Variants in WDR33 observed in about 807,000 individuals in gnomAD.
The protein encoded by WDR33 is WD repeat domain 33.
A neutral mutation model predicts 164.9 loss-of-function variants in WDR33; 47 were observed. That is an observed-to-expected ratio of 0.29 (90% CI 0.23 to 0.36). WDR33 has a LOEUF of 0.36. WDR33 is among the 10% of genes least tolerant of loss of function. WDR33 has a pLI of 1.00. For synonymous variants in WDR33, 505 were observed against 589.0 expected (o/e 0.86, Z 2.06); for missense variants, 1,137 against 1,754.1 (o/e 0.65, Z 6.28).
At position 127,702,997 on chromosome 2, in the gene WDR33, C is replaced by CTAGTT. The variant is rs927040744; in HGVS notation, c.*3321_*3325dup. Reference sequence around the variant, plus strand: ...CTCATTGTATAGCCTGCTTTGTAAACTAGTTTACAATTTGCAGGCTGATCT... The same window carrying CTAGTT: ...CTCATTGTATAGCCTGCTTTGTAAACTAGTTTAGTTTACAATTTGCAGGCTGATCT... On this transcript the variant is annotated 3_prime_UTR_variant, in exon 22 of 22. Transcript: ENST00000322313. The CTAGTT allele has an allele frequency of 1.2e-5, 2 of 167,172 alleles. No homozygotes were observed. Among genetic ancestry groups the CTAGTT allele is most frequent in the African/African-American group, 4.8e-5 (2 of 41,570 alleles). 10.4% of individuals were successfully genotyped at this position (167,172 alleles called of 1,614,324 possible). A position where few individuals can be genotyped will look rare whatever the true frequency, so the allele number is the denominator to read the frequency against.
At chr2:127,797,405 T>C (rs1689078591) in intron 1 of WDR33, among the ~76,000 whole-genome samples, 1 of 151,930 alleles carries the variant, frequency 6.6e-6, no homozygotes, top group Non-Finnish European at 1.5e-5. Context: ...GGCAGGAGAA[T>C]CACTTGAACC....
Position 127,723,064 on chromosome 2 carries a change from A to C in WDR33, c.1292-20T>G. 6.3e-7 allele frequency: 1 copy of C among 1,577,654 alleles called. No individual in the cohort carries two copies. The highest frequency in any genetic ancestry group is 8.6e-7 in the Non-Finnish European group (1 of 1,162,870). On this transcript the variant is annotated intron_variant, in intron 12 of 21. Coordinates refer to ENST00000322313, the MANE Select transcript of WDR33 (RefSeq NM_018383.5). This position sits in a 1 kb window ranked among gnomAD's most constrained non-coding sequence, Gnocchi z 5.9. ...GGTCATCTATAAATAGTAATACACC[A>C]TTGTCAATAGAGAATTTACAAAAGT...
Position 127,714,622 on chromosome 2 carries a change from A to G in WDR33, c.2870-601T>C, listed in dbSNP as rs1686255859. On this transcript the variant is annotated intron_variant, in intron 17 of 21. Coordinates refer to ENST00000322313, the MANE Select transcript of WDR33 (RefSeq NM_018383.5). This position sits in a 1 kb window ranked among gnomAD's most constrained non-coding sequence, Gnocchi z 4.3. ...GTGTCGGGGTTTTCTGCACCTCTCT[A>G]TGGATGTTGTTCCTCATCTACAATA... 6.6e-6 allele frequency among the ~76,000 whole-genome samples: 1 copy of G among 152,184 alleles called. No homozygotes were observed. Among genetic ancestry groups the G allele is most frequent in the Admixed American group, 6.5e-5 (1 of 15,280 alleles).
At chr2:127,801,704 G>A (rs1359267401) in intron 1 of WDR33, among the ~76,000 whole-genome samples, 2 of 152,072 alleles carry the variant, frequency 1.3e-5, no homozygotes, top group Admixed American at 1.3e-4. Flanking sequence ...CCAACATGGT[G>A]AAATCCCATC....
At position 127,717,167 on chromosome 2, in the gene WDR33, C is replaced by T; in HGVS notation, c.2857G>A (p.Gly953Ser). 1 of 1,604,964 alleles carries T rather than the reference C, an allele frequency of 6.2e-7. No individual in the cohort carries two copies. The highest frequency in any genetic ancestry group is 8.5e-7 in the Non-Finnish European group (1 of 1,175,146). ...AGCAGATATTTACCTTTGTTGGGGC[C>T]AGGTCCTTGTCCGGGGTTCAGAGGG... ...IPPLNPGQGP[G>S]PNKGDSRGPP... The change falls in exon 17 of 22, where the codon GGC becomes AGC. Residue 953 changes from glycine (G) to serine (S), a missense_variant. By Grantham distance (56) the Gly-to-Ser change is moderately conservative (BLOSUM62 0). Coordinates refer to ENST00000322313, the MANE Select transcript of WDR33 (RefSeq NM_018383.5). The surrounding 1 kb of genome is among the most constrained non-coding windows in gnomAD (Gnocchi z 5.6).
Position 127,709,572 on chromosome 2 carries a change from C to T in WDR33, c.3483G>A (p.Lys1161=), listed in dbSNP as rs1209734878. 6.2e-7 allele frequency: 1 copy of T among 1,613,646 alleles called. No homozygotes were observed. Among genetic ancestry groups the T allele is most frequent in the African/African-American group, 1.3e-5 (1 of 74,950 alleles). Residue 1161 remains lysine, a synonymous_variant, in exon 20 of 22, where the codon AAG becomes AAA. Coordinates refer to ENST00000322313, the MANE Select transcript of WDR33 (RefSeq NM_018383.5). The surrounding 1 kb of genome is among the most constrained non-coding windows in gnomAD (Gnocchi z 5.0). ...ACTCGTCAGGAGTGGGAAGTAAACC[C>T]TTCCTTCCTCCTACACAACAGAGCA... ...RGRGTPRGGR[K]GLLPTPDEFP...
At chr2:127,768,802 C>G (rs973142235) in intron 3 of WDR33, 131 bp downstream of exon 3, 3 of 567,140 alleles carry the variant, frequency 5.3e-6, no homozygotes, top group Non-Finnish European at 9.1e-6. Flanking sequence ...TTATATTATC[C>G]CTTTGGGAAT....
At position 127,703,853 on chromosome 2, in the gene WDR33, C is replaced by T. The variant is rs1004930475; in HGVS notation, c.*2470G>A. 1 of 166,632 alleles carries T rather than the reference C, an allele frequency of 6.0e-6. No homozygotes were observed. The highest frequency in any genetic ancestry group is 2.4e-5 in the African/African-American group (1 of 41,416). 10.3% of individuals were successfully genotyped at this position (166,632 alleles called of 1,614,324 possible). ...ATTCAACATTTCTCAGCTGGTGGCT[C>T]ACACCTGTAATCCCAGCATTTTGGG... On this transcript the variant is annotated 3_prime_UTR_variant, in exon 22 of 22. Coordinates refer to ENST00000322313, the MANE Select transcript of WDR33 (RefSeq NM_018383.5).
At chr2:127,781,987 A>G (rs1242470774) in intron 1 of WDR33, among the ~76,000 whole-genome samples, 1 of 146,162 alleles carries the variant, frequency 6.8e-6, no homozygotes, top group Non-Finnish European at 1.5e-5. Flanking sequence ...AAGAAGAGCG[A>G]AACTCTTTTT....
intron 1 of WDR33, among the ~76,000 whole-genome samples, chr2:127,787,609 G>A (rs1688637343): frequency 1.1e-5 from 1 of 91,446 alleles, no homozygotes; most frequent in African/African-American, 5.4e-5. Flanking sequence ...CAGTAGGGGC[G>A]GCCGGGCAGA....
rs780940644 is a variant in WDR33 at position 127,770,464 on chromosome 2, T to C, written c.204+314A>G. The stretch of plus-strand genomic sequence containing the variant: ...CAGCACTTTGGGAGACTGAGGCAGG[T>C]GGATCACCTGAGGTTAGGAGTTTGA... On this transcript the variant is annotated intron_variant, in intron 2 of 21. Coordinates refer to ENST00000322313, the MANE Select transcript of WDR33 (RefSeq NM_018383.5). The surrounding 1 kb of genome is among the most constrained non-coding windows in gnomAD (Gnocchi z 4.9). Among the ~76,000 whole-genome samples the C allele has an allele frequency of 6.6e-6, 1 of 151,984 alleles. No individual in the cohort carries two copies. Among genetic ancestry groups the C allele is most frequent in the South Asian group, 2.1e-4 (1 of 4,820 alleles).
In WDR33 at chr2:127,702,175, G is replaced by C; in HGVS notation, c.*4148C>G. On this transcript the variant is annotated 3_prime_UTR_variant, in exon 22 of 22. Coordinates refer to ENST00000322313, the MANE Select transcript of WDR33 (RefSeq NM_018383.5). The stretch of plus-strand genomic sequence containing the variant: ...GGCCTCGCCAAGGTGCTGCCCGTGT[G>C]AGGACCTCGCGCCCTCGCCGCTGGG... The C allele has an allele frequency of 8.2e-7, 1 of 1,213,910 alleles. No individual in the cohort carries two copies. Among genetic ancestry groups the C allele is most frequent in the Non-Finnish European group, 1.0e-6 (1 of 975,930 alleles). 75.2% of individuals were successfully genotyped at this position (1,213,910 alleles called of 1,614,324 possible). A position where few individuals can be genotyped will look rare whatever the true frequency, so the allele number is the denominator to read the frequency against.
intron 1 of WDR33, among the ~76,000 whole-genome samples, chr2:127,809,166 T>G (rs985472894): frequency 5.9e-5 from 9 of 152,118 alleles, no homozygotes; most frequent in African/African-American, 1.9e-4. Context: ...CAGTTCAAAC[T>G]TCAGCCATAA....
At chr2:127,730,349 A>G (rs1437079918) in intron 7 of WDR33, among the ~76,000 whole-genome samples, 1 of 152,222 alleles carries the variant, frequency 6.6e-6, no homozygotes, top group Non-Finnish European at 1.5e-5. Flanking sequence ...AATTTTCAGT[A>G]AAGTGAAAAA....
In WDR33 at chr2:127,723,710, G is replaced by A. The variant is rs943251026; in HGVS notation, c.1197-363C>T. ...CAGGAGTTTGAGGCTACAGTGAGCT[G>A]TGATCTCACCACAGAACTCTAGTCT... On this transcript the variant is annotated intron_variant, in intron 11 of 21. Transcript: ENST00000322313. The surrounding 1 kb of genome is among the most constrained non-coding windows in gnomAD (Gnocchi z 5.9). 6.6e-6 allele frequency among the ~76,000 whole-genome samples: 1 copy of A among 151,438 alleles called. No homozygotes were observed. The highest frequency in any genetic ancestry group is 2.4e-5 in the African/African-American group (1 of 41,160).
At position 127,710,581 on chromosome 2, in the gene WDR33, C is replaced by G. The variant is rs749045193; in HGVS notation, c.3309-725G>C. The stretch of plus-strand genomic sequence containing the variant: ...GCAGTCTGGAGCCCTGCTTAGTGAA[C>G]AGCTTCCCCTTCTCTCAGGAATTTT... On this transcript the variant is annotated intron_variant, in intron 18 of 21. Transcript: ENST00000322313. This position sits in a 1 kb window ranked among gnomAD's most constrained non-coding sequence, Gnocchi z 4.4. Among the ~76,000 whole-genome samples, 23 of 152,230 alleles carry G rather than the reference C, an allele frequency of 1.5e-4. No individual in the cohort carries two copies. Among genetic ancestry groups the G allele is most frequent in the Non-Finnish European group, 2.8e-4 (19 of 68,044 alleles).
rs776479791 is a variant in WDR33, at chr2:127,709,861, A to T, written c.3309-5T>A. 7 of 1,613,510 alleles carry T rather than the reference A, an allele frequency of 4.3e-6. No individual in the cohort carries two copies. The African/African-American group carries it at 6.7e-5, about 15-fold the overall frequency. On this transcript the variant is annotated splice_polypyrimidine_tract_variant and splice_region_variant and intron_variant, in intron 18 of 21. Transcript: ENST00000322313. The surrounding 1 kb of genome is among the most constrained non-coding windows in gnomAD (Gnocchi z 5.0). ...GGCGGGGCTCCTCTTCTGAAACTGT[A>T]AAGAGAAAACAGCAGAATGTCCATC...
chr2:127,811,050 G>T lies in WDR33; in HGVS notation c.-62C>A, dbSNP rs1689635369. 6.5e-6 allele frequency: 1 copy of T among 152,718 alleles called. No individual in the cohort carries two copies. The highest frequency in any genetic ancestry group is 2.4e-5 in the African/African-American group (1 of 41,474). The allele number at this position is 152,718 out of a possible 1,614,324, so 9.5% of individuals were successfully genotyped here. On this transcript the variant is annotated 5_prime_UTR_variant, in exon 1 of 22. Transcript: ENST00000322313. The surrounding 1 kb of genome is among the most constrained non-coding windows in gnomAD (Gnocchi z 4.1). ...GCAGAGCTCCTAAATGGCCAGCGAA[G>T]CGTTCGCCTTCAGAGCCAGAAATGT...
At chr2:127,807,214 C>T (rs1689469784) in intron 1 of WDR33, among the ~76,000 whole-genome samples, 1 of 152,118 alleles carries the variant, frequency 6.6e-6, no homozygotes, top group Non-Finnish European at 1.5e-5. Context: ...CCATGTTGGC[C>T]AGGCTGGTCT....
Sources: allele counts gnomAD v4.1 joint callset (sites outside exome capture counted in the v4.1 genomes callset), GRCh38; gene constraint gnomAD v4.1.1; non-coding constraint Gnocchi (gnomAD v3.1); transcripts MANE v1.5; gene names NCBI Gene and HGNC (gene_info 2026-07-23, HGNC 2026-07-21).